CDH13: variants seen among roughly 807,000 people sequenced by gnomAD.
CDH13 encodes the protein cadherin 13.
CDH13 carries 24 observed loss-of-function variants against 63.8 expected under a neutral mutation model. That is an observed-to-expected ratio of 0.38 (90% CI 0.27 to 0.53). CDH13 has a LOEUF of 0.53. Ranked by LOEUF, CDH13 falls within the 20% of genes least tolerant of loss-of-function variation. CDH13 has a pLI of 0.85. For missense variants in CDH13, 1,049 were observed against 903.1 expected (o/e 1.16, Z -2.07); for synonymous variants, 503 against 355.3 (o/e 1.42, Z -4.67).
chr16:82,668,396 C>T (rs1427979323), intron 1 of CDH13, among the ~76,000 whole-genome samples: 2 of 152,112 alleles, frequency 1.3e-5, no homozygotes, highest in African/African-American at 4.8e-5. Flanking sequence ...GACTCGACTT[C>T]ATTCCATGAG....
chr16:83,720,979 C>T (rs543166329), intron 10 of CDH13: 4 of 152,396 alleles, frequency 2.6e-5, no homozygotes, highest in East Asian at 1.9e-4. Context: ...CTTCCTGCCA[C>T]CAGGAGGTTT....
chr16:83,338,837 C>T (rs991215322), intron 5 of CDH13, among the ~76,000 whole-genome samples: 1 of 152,178 alleles, frequency 6.6e-6, no homozygotes. Flanking sequence ...TTCCTTGTAA[C>T]ATGAAATGAG....
At chr16:82,772,086 G>A (rs1460090796) in intron 1 of CDH13, among the ~76,000 whole-genome samples, 1 of 152,186 alleles carries the variant, frequency 6.6e-6, no homozygotes, top group African/African-American at 2.4e-5. Flanking sequence ...TTGATGTGCT[G>A]GTGTCGGTTA....
chr16:83,043,633 C>T lies in CDH13; in HGVS notation c.366+11415C>T, dbSNP rs1053536159. On this transcript the variant is annotated intron_variant, in intron 3 of 13. Coordinates refer to ENST00000567109, the MANE Select transcript of CDH13 (RefSeq NM_001257.5). Reference sequence around the variant, plus strand: ...CAGCACTTTAAGAGGCCAAGGCAGGCGGATCACTTGAGGCCCGGAGTTTGA... The same window carrying T: ...CAGCACTTTAAGAGGCCAAGGCAGGTGGATCACTTGAGGCCCGGAGTTTGA... 3.3e-5 allele frequency among the ~76,000 whole-genome samples: 5 copies of T among 151,800 alleles called. No homozygotes were observed. In the East Asian group the frequency reaches 5.8e-4, roughly 18 times the overall value.
chr16:82,922,357 C>T (rs1419815402), intron 2 of CDH13, among the ~76,000 whole-genome samples: 1 of 152,108 alleles, frequency 6.6e-6, no homozygotes, highest in Non-Finnish European at 1.5e-5. Context: ...TAATTCAAGT[C>T]CCTGAAGGCC....
At chr16:82,663,992 C>A (rs909970151) in intron 1 of CDH13, among the ~76,000 whole-genome samples, 1 of 152,218 alleles carries the variant, frequency 6.6e-6, no homozygotes, top group Non-Finnish European at 1.5e-5. Flanking sequence ...ACTCTTTTGG[C>A]TCCACTTCTG....
chr16:83,125,326 C>T, intron 3 of CDH13, 59 bp from the exon 4 acceptor site: 1 of 908,398 alleles, frequency 1.1e-6, no homozygotes, highest in South Asian at 1.4e-5. Flanking sequence ...TATCTCGGAG[C>T]AGACTGATAC....
At chr16:82,894,286 G>T (rs1321972965) in intron 2 of CDH13, among the ~76,000 whole-genome samples, 1 of 152,160 alleles carries the variant, frequency 6.6e-6, no homozygotes, top group Non-Finnish European at 1.5e-5. Context: ...GTTCTCCCAT[G>T]TTGGAAGAAA....
chr16:83,683,038 G>A (rs995429453), intron 10 of CDH13, among the ~76,000 whole-genome samples: 4 of 152,156 alleles, frequency 2.6e-5, no homozygotes, highest in Non-Finnish European at 4.4e-5. Context: ...ACTGCTCCTC[G>A]GCTGACCGCG....
At chr16:83,778,255 C>T (rs966310213) in intron 11 of CDH13, among the ~76,000 whole-genome samples, 10 of 152,182 alleles carry the variant, frequency 6.6e-5, no homozygotes, top group African/African-American at 2.4e-4. Context: ...TAGGGCTGGG[C>T]ACAATGGCTC....
chr16:83,693,356 T>A (rs1316538818), intron 10 of CDH13, among the ~76,000 whole-genome samples: 1 of 152,228 alleles, frequency 6.6e-6, no homozygotes, highest in Non-Finnish European at 1.5e-5. Context: ...ATTAACTGAT[T>A]CGCATTTTTA....
intron 3 of CDH13, among the ~76,000 whole-genome samples, chr16:83,035,972 A>G (rs1916813908): frequency 6.6e-6 from 1 of 152,058 alleles, no homozygotes; most frequent in Non-Finnish European, 1.5e-5. Context: ...CATCCTCACA[A>G]CAGTATGCTA....
intron 6 of CDH13, among the ~76,000 whole-genome samples, chr16:83,433,076 G>A (rs973932137): frequency 2.0e-5 from 3 of 152,150 alleles, no homozygotes; most frequent in Non-Finnish European, 2.9e-5. Context: ...TGCTTCTGGG[G>A]AATGAGAGGC....
intron 1 of CDH13, among the ~76,000 whole-genome samples, chr16:82,731,060 A>C (rs890934937): frequency 6.6e-6 from 1 of 152,216 alleles, no homozygotes; most frequent in Non-Finnish European, 1.5e-5. Context: ...AGCTGCCAGC[A>C]CTTCATTCAG....
At chr16:83,624,345 C>CCG (rs1166633603) in intron 8 of CDH13, among the ~76,000 whole-genome samples, 2 of 151,664 alleles carry the variant, frequency 1.3e-5, no homozygotes, top group Admixed American at 6.6e-5. Context: ...AACGCCCCCA[C>CCG]CCCTGCCCCA....
chr16:83,584,607 CA>C (rs1905965607), intron 7 of CDH13, among the ~76,000 whole-genome samples: 2 of 152,162 alleles, frequency 1.3e-5, no homozygotes, highest in Admixed American at 6.5e-5. Flanking sequence ...TGAAGAAAGG[CA>C]AAAGTGAGTG....
Position 83,439,792 on chromosome 16 carries a change from G to C in CDH13, c.782-46685G>C, listed in dbSNP as rs140574400. The stretch of plus-strand genomic sequence containing the variant: ...AACATCTAATTAATGTCCCAGGCCA[G>C]CTCCTGGAGGTCAGTGGCTACTTTT... On this transcript the variant is annotated intron_variant, in intron 6 of 13. Transcript: ENST00000567109. Among the ~76,000 whole-genome samples, 4 of 152,316 alleles carry C rather than the reference G, an allele frequency of 2.6e-5. No individual in the cohort carries two copies. The East Asian group carries it at 5.8e-4, about 22-fold the overall frequency.
intron 5 of CDH13, among the ~76,000 whole-genome samples, chr16:83,229,806 A>G (rs2039951809): frequency 6.6e-6 from 1 of 152,172 alleles, no homozygotes; most frequent in South Asian, 2.1e-4. Context: ...TAACTCAGGA[A>G]TCCTCGTTCC....
intron 1 of CDH13, among the ~76,000 whole-genome samples, chr16:82,805,601 A>T (rs985708000): frequency 6.6e-6 from 1 of 152,170 alleles, no homozygotes; most frequent in East Asian, 1.9e-4. Context: ...TATGACAAGC[A>T]GGAATGTCAT....
Sources: gnomAD v4.1 joint callset for allele counts (sites outside exome capture counted in the v4.1 genomes callset) on GRCh38, gnomAD v4.1.1 for gene constraint, MANE v1.5 for transcripts, NCBI Gene and HGNC (gene_info 2026-07-23, HGNC 2026-07-21) for gene names.